The following NRP2 variants were observed in gnomAD, a reference collection of about 807,000 sequenced individuals.
NRP2 encodes neuropilin 2.
In NRP2, 52 loss-of-function variants were observed where a neutral mutation model predicts 110.4. The ratio of observed to expected loss-of-function variants is 0.47; its 90% CI spans 0.38 to 0.59. The LOEUF (loss-of-function observed/expected upper bound fraction) is 0.59, where lower values mean the gene tolerates loss of function less well. Among genes scored for constraint, NRP2 ranks in the 20% least tolerant of loss-of-function variants. The pLI is 0.00. For synonymous variants in NRP2, 508 were observed against 468.9 expected (o/e 1.08, Z -1.08); for missense variants, 1,049 against 1,203.0 (o/e 0.87, Z 1.89).
intron 2 of NRP2, among the ~76,000 whole-genome samples, chr2:205,714,312 T>G (rs528439808): frequency 1.2e-4 from 18 of 152,354 alleles, no homozygotes; most frequent in Admixed American, 4.6e-4. Context: ...CAGCTCTGTC[T>G]GCTTCTGGGA....
intron 7 of NRP2, chr2:205,740,030 G>A (rs2057412372): frequency 7.7e-6 from 2 of 259,880 alleles, no homozygotes; most frequent in Admixed American, 1.0e-4. Context: ...CTCATGGGTG[G>A]GATGGCATCA....
In NRP2 at chr2:205,734,234, T is replaced by C. The variant is rs969315473; in HGVS notation, c.1146+6188T>C. 5.3e-5 allele frequency among the ~76,000 whole-genome samples: 8 copies of C among 149,714 alleles called. No individual in the cohort carries two copies. The East Asian group carries it at 5.8e-4, about 11-fold the overall frequency. ...ACACGTGCACACACACACACACACA[T>C]GCCTCTAACTCTATATCTGGCTAAG... is the stretch of plus-strand genomic sequence containing the variant. On this transcript the variant is annotated intron_variant, in intron 7 of 16. Transcript: ENST00000357785.
intron 15 of NRP2, chr2:205,779,382 G>T (rs1296699082): frequency 6.6e-6 from 1 of 152,198 alleles, no homozygotes; most frequent in Non-Finnish European, 1.5e-5. Flanking sequence ...AAGTAAAATT[G>T]TCTTTTCCCT....
chr2:205,745,973 G>A, intron 10 of NRP2, 83 bp downstream of exon 10: 3 of 1,514,710 alleles, frequency 2.0e-6, no homozygotes, highest in Non-Finnish European at 2.7e-6. Flanking sequence ...GGAGGGCTGT[G>A]GAGGGGGCAG....
chr2:205,756,017 T>C (rs1237870891), intron 12 of NRP2, among the ~76,000 whole-genome samples: 1 of 152,202 alleles, frequency 6.6e-6, no homozygotes, highest in Non-Finnish European at 1.5e-5. Context: ...CTTTCTTTTT[T>C]TTTCCTTTCC....
chr2:205,701,138 T>C (rs1347222463), intron 2 of NRP2: 1 of 162,426 alleles, frequency 6.2e-6, no homozygotes, highest in African/African-American at 2.4e-5. Context: ...TATGTATTTT[T>C]AAAACACCCA....
At chr2:205,684,720 TG>T (rs1370765945) in intron 1 of NRP2, among the ~76,000 whole-genome samples, 8 of 152,206 alleles carry the variant, frequency 5.3e-5, no homozygotes, top group Non-Finnish European at 7.3e-5. Flanking sequence ...AAGGGATGGG[TG>T]GGGGTCCCAC....
At chr2:205,765,593 A>G in intron 14 of NRP2, 23 bp downstream of exon 14, 1 of 1,591,966 alleles carries the variant, frequency 6.3e-7, no homozygotes, top group Non-Finnish European at 8.6e-7. Context: ...CTGTCTCTTC[A>G]TGGTTCTTTC....
At chr2:205,784,391 C>G (rs976834504) in intron 15 of NRP2, among the ~76,000 whole-genome samples, 1 of 152,232 alleles carries the variant, frequency 6.6e-6, no homozygotes, top group African/African-American at 2.4e-5. Context: ...CCTGCGAGAA[C>G]AGGCATGAGG....
intron 3 of NRP2, among the ~76,000 whole-genome samples, chr2:205,719,428 A>G (rs898484655): frequency 6.6e-6 from 1 of 152,092 alleles, no homozygotes; most frequent in African/African-American, 2.4e-5. Flanking sequence ...AACAACTTAC[A>G]TACTTAAAAG....
In NRP2 at chr2:205,740,502, T is replaced by C; in HGVS notation, c.1147-17T>C. On this transcript the variant is annotated splice_polypyrimidine_tract_variant and intron_variant, in intron 7 of 16. Coordinates refer to ENST00000357785, the MANE Select transcript of NRP2 (RefSeq NM_003872.3). ...AACAGGGGTTTCAATAACATGGTTT[T>C]GCATCTTACGCTACAGGTATTTCAA... 1 of 1,614,212 alleles carries C rather than the reference T, an allele frequency of 6.2e-7. No individual in the cohort carries two copies. The highest frequency in any genetic ancestry group is 2.2e-5 in the East Asian group (1 of 44,894).
At chr2:205,693,834 T>C (rs1017228094) in intron 1 of NRP2, among the ~76,000 whole-genome samples, 7 of 152,226 alleles carry the variant, frequency 4.6e-5, no homozygotes, top group Non-Finnish European at 7.3e-5. Flanking sequence ...AGGGATCTGA[T>C]TGGTCTTTTA....
intron 12 of NRP2, among the ~76,000 whole-genome samples, chr2:205,757,359 C>T (rs1393112886): frequency 6.6e-6 from 1 of 152,078 alleles, no homozygotes; most frequent in Non-Finnish European, 1.5e-5. Context: ...CTCACTGGGG[C>T]TATTTTGATG....
chr2:205,736,726 T>G (rs1009359125), intron 7 of NRP2, among the ~76,000 whole-genome samples: 93 of 152,184 alleles, frequency 6.1e-4, no homozygotes, highest in African/African-American at 2.2e-3. Flanking sequence ...GGTTTATTGA[T>G]TTGCCTATAA....
intron 1 of NRP2, 111 bp downstream of exon 1, chr2:205,683,474 T>C: frequency 1.3e-6 from 1 of 778,334 alleles, no homozygotes; most frequent in South Asian, 1.5e-5. Flanking sequence ...CCCTCAGTAC[T>C]CAATAATTTA....
Position 205,725,786 on chromosome 2 carries a change from A to G in NRP2, c.821-127A>G. On this transcript the variant is annotated intron_variant, in intron 5 of 16. Coordinates refer to ENST00000357785, the MANE Select transcript of NRP2 (RefSeq NM_003872.3). The surrounding 1 kb of genome is among the most constrained non-coding windows in gnomAD (Gnocchi z 4.1). ...GTAGTTGTTTTTAAAATGTGAGCATATAATTAGGGTCTTTTAAATGAGGAA... is the reference window on the plus strand; with the variant it reads ...GTAGTTGTTTTTAAAATGTGAGCATGTAATTAGGGTCTTTTAAATGAGGAA... 1 of 909,014 alleles carries G rather than the reference A, an allele frequency of 1.1e-6. No individual in the cohort carries two copies. Among genetic ancestry groups the G allele is most frequent in the Non-Finnish European group, 1.8e-6 (1 of 556,194 alleles). The allele number at this position is 909,014 out of a possible 1,614,324, so 56.3% of individuals were successfully genotyped here. A position where few individuals can be genotyped will look rare whatever the true frequency, so the allele number is the denominator to read the frequency against.
intron 10 of NRP2, among the ~76,000 whole-genome samples, chr2:205,748,055 TA>T (rs1035168022): frequency 1.3e-5 from 2 of 152,004 alleles, no homozygotes; most frequent in Non-Finnish European, 2.9e-5. Context: ...ACAAACAGTA[TA>T]AACACCGAGG....
At chr2:205,715,620 A>G (rs1418680121) in intron 2 of NRP2, among the ~76,000 whole-genome samples, 1 of 152,218 alleles carries the variant, frequency 6.6e-6, no homozygotes, top group Non-Finnish European at 1.5e-5. Flanking sequence ...GGGATGGCCC[A>G]GGGGAAAATT....
chr2:205,744,050 CTT>C (rs1012796172), intron 9 of NRP2, among the ~76,000 whole-genome samples: 23 of 152,214 alleles, frequency 1.5e-4, no homozygotes, highest in African/African-American at 4.3e-4. Flanking sequence ...GGCCTGGACT[CTT>C]TTTTAATCGT....
Sources: gnomAD v4.1 joint callset for allele counts (sites outside exome capture counted in the v4.1 genomes callset) on GRCh38, gnomAD v4.1.1 for gene constraint, Gnocchi (gnomAD v3.1) non-coding constraint, MANE v1.5 for transcripts, NCBI Gene and HGNC (gene_info 2026-07-23, HGNC 2026-07-21) for gene names.